RBM8A: variants seen among roughly 807,000 people sequenced by gnomAD.
RBM8A encodes RNA binding motif protein 8A, also known as RNA-binding protein 8A.
Under a neutral mutation model 25.1 loss-of-function variants are expected in RBM8A, and 8 were observed. The ratio of observed to expected loss-of-function variants is 0.32; its 90% confidence interval spans 0.19 to 0.58. The LOEUF (loss-of-function observed/expected upper bound fraction) is 0.58. Ranked by LOEUF, RBM8A falls within the 20% of genes least tolerant of loss-of-function variation. RBM8A has a pLI of 0.88. For missense variants in RBM8A, 114 were observed against 236.8 expected (o/e 0.48, Z 3.40); for synonymous variants, 66 against 80.0 (o/e 0.82, Z 0.94).
At position 145,923,240 on chromosome 1, in the gene RBM8A, T is replaced by C. The variant is rs1553755221; in HGVS notation, c.*2642A>G. ...CACCGCGCCCAGCCAGCTTTGACTA[T>C]TTTTATACTCCTCACAATTCTCAAG... On this transcript the variant is annotated 3_prime_UTR_variant, in exon 6 of 6. Transcript: ENST00000583313. The C allele has an allele frequency of 6.6e-6, 1 of 152,006 alleles. No individual in the cohort carries two copies. Among genetic ancestry groups the C allele is most frequent in the East Asian group, 1.9e-4 (1 of 5,182 alleles). The allele number at this position is 152,006 out of a possible 1,614,324, so 9.4% of individuals were successfully genotyped here.
chr1:145,927,206 T>A, intron 1 of RBM8A, 129 bp from the exon 2 acceptor site: 1 of 1,454,088 alleles, frequency 6.9e-7, no homozygotes, highest in African/African-American at 1.4e-5. Context: ...GGTCACGCCC[T>A]CCCTTCTCCT....
rs782816959 is a variant in RBM8A, at chr1:145,926,635, G to A, written c.206-17C>T. 5 of 1,613,704 alleles carry A rather than the reference G, an allele frequency of 3.1e-6. No individual in the cohort carries two copies. The African/African-American group carries it at 6.7e-5, about 22-fold the overall frequency. ...CTTCAACAGCTGTTGGGGGACGGGG[G>A]GAAGTTGTATGAGTACATGAGAGAC... On this transcript the variant is annotated splice_polypyrimidine_tract_variant and intron_variant, in intron 3 of 5. Transcript: ENST00000583313.
Position 145,923,004 on chromosome 1 carries a change from C to T in RBM8A, c.*2878G>A, listed in dbSNP as rs1647881149. ...TGGCGCAATCTCTGCTCACTGCAAG[C>T]TCCGCCTCCTGGGTTCAGGTCATTC... On this transcript the variant is annotated 3_prime_UTR_variant, in exon 6 of 6. Coordinates refer to ENST00000583313, the MANE Select transcript of RBM8A (RefSeq NM_005105.5). 1 of 151,784 alleles carries T rather than the reference C, an allele frequency of 6.6e-6. No individual in the cohort carries two copies. The highest frequency in any genetic ancestry group is 1.5e-5 in the Non-Finnish European group (1 of 68,012). 9.4% of individuals were successfully genotyped at this position (151,784 alleles called of 1,614,324 possible).
chr1:145,927,089 G>A lies in RBM8A; in HGVS notation c.68-12C>T, dbSNP rs1553756106. 5 of 1,611,284 alleles carry A rather than the reference G, an allele frequency of 3.1e-6. No homozygotes were observed. The highest frequency in any genetic ancestry group is 1.3e-5 in the African/African-American group (1 of 74,818). ...TTTGTGAATGCTCTCTGGAACCCCA[G>A]AAGATAAAAGAATAAGTAACTATGA... is the stretch of plus-strand genomic sequence containing the variant. On this transcript the variant is annotated splice_polypyrimidine_tract_variant and intron_variant, in intron 1 of 5. Coordinates refer to ENST00000583313, the MANE Select transcript of RBM8A (RefSeq NM_005105.5).
At position 145,924,263 on chromosome 1, in the gene RBM8A, A is replaced by G. The variant is rs1423173500; in HGVS notation, c.*1619T>C. ...GCAAGAGACCACCTATAACCTCTTC[A>G]CCTTCTGCTGCCTCTTTCTGCTGCC... On this transcript the variant is annotated 3_prime_UTR_variant, in exon 6 of 6. Transcript: ENST00000583313. The G allele has an allele frequency of 1.2e-5, 7 of 595,290 alleles. No homozygotes were observed. The highest frequency in any genetic ancestry group is 1.8e-5 in the African/African-American group (1 of 54,548). 36.9% of individuals were successfully genotyped at this position (595,290 alleles called of 1,614,324 possible).
chr1:145,926,731 C>T, intron 3 of RBM8A, 78 bp downstream of exon 3: 1 of 1,613,798 alleles, frequency 6.2e-7, no homozygotes. Context: ...GAACCCATTC[C>T]TACTGCGTTT....
At chr1:145,927,305 A>G in intron 1 of RBM8A, 55 bp downstream of exon 1, 2 of 1,572,418 alleles carry the variant, frequency 1.3e-6, no homozygotes, top group Non-Finnish European at 1.7e-6. Context: ...TTTTCCTATT[A>G]TAGCCTTCTC....
rs1459899179 is a variant in RBM8A at position 145,925,969 on chromosome 1, A to G, written c.480-42T>C. On this transcript the variant is annotated intron_variant, in intron 5 of 5. Coordinates refer to ENST00000583313, the MANE Select transcript of RBM8A (RefSeq NM_005105.5). ...AGGGAGAGGAGTCCATTAGAGGGACATAATACTAAGTCCTCATTCTGTTTC... is the reference window on the plus strand; with the variant it reads ...AGGGAGAGGAGTCCATTAGAGGGACGTAATACTAAGTCCTCATTCTGTTTC... 5 of 1,613,904 alleles carry G rather than the reference A, an allele frequency of 3.1e-6. No homozygotes were observed. The African/African-American group carries it at 4.0e-5, about 13-fold the overall frequency.
At chr1:145,927,337 C>A (rs781946644) in intron 1 of RBM8A, 23 bp downstream of exon 1, 9 of 1,608,532 alleles carry the variant, frequency 5.6e-6, no homozygotes, top group Non-Finnish European at 6.8e-6. Context: ...CCGCTTCCCA[C>A]CAGCCGTCTC....
chr1:145,926,904 G>C lies in RBM8A; in HGVS notation c.128-18C>G. On this transcript the variant is annotated intron_variant, in intron 2 of 5. Coordinates refer to ENST00000583313, the MANE Select transcript of RBM8A (RefSeq NM_005105.5). ...CCCCTCTTCTATAAGGGACATACACGAGATCACCGAAAACTCCTCCTTTCT... is the reference window on the plus strand; with the variant it reads ...CCCCTCTTCTATAAGGGACATACACCAGATCACCGAAAACTCCTCCTTTCT... 1 of 1,613,836 alleles carries C rather than the reference G, an allele frequency of 6.2e-7. No individual in the cohort carries two copies. Among genetic ancestry groups the C allele is most frequent in the Non-Finnish European group, 8.5e-7 (1 of 1,179,990 alleles).
In RBM8A at chr1:145,927,065, T is replaced by C. The variant is rs147545095; in HGVS notation, c.80A>G (p.Lys27Arg). The C allele has an allele frequency of 2.5e-6, 4 of 1,613,894 alleles. No homozygotes were observed. The highest frequency in any genetic ancestry group is 3.4e-6 in the Non-Finnish European group (4 of 1,179,904). Residue 27 changes from lysine (K) to arginine (R), a missense_variant, in exon 2 of 6, where the codon AAA becomes AGA. This residue lies in a region of RBM8A where 12 missense variants were observed against 54.1 expected (regional missense o/e 0.22). Coordinates refer to ENST00000583313, the MANE Select transcript of RBM8A (RefSeq NM_005105.5). ...CCGTTTCTTCGCTTTTTCTTTCAGT[T>C]TGTGAATGCTCTCTGGAACCCCAGA... ...MDEDGDESIH[K>R]LKEKAKKRKG...
At position 145,926,189 on chromosome 1, in the gene RBM8A, GAA is replaced by G. The variant is rs1559231366; in HGVS notation, c.343-14_343-13del. 2.5e-6 allele frequency: 4 copies of G among 1,611,680 alleles called. No homozygotes were observed. The South Asian group carries it at 4.4e-5, about 18-fold the overall frequency. On this transcript the variant is annotated splice_polypyrimidine_tract_variant and intron_variant, in intron 4 of 5. Coordinates refer to ENST00000583313, the MANE Select transcript of RBM8A (RefSeq NM_005105.5). ...ACTAGAGTATACCCCTGGGGAAAGTGAAAAGACAGATATGAAAACCCTCCTAT... is the reference window on the plus strand; with the variant it reads ...ACTAGAGTATACCCCTGGGGAAAGTGAAGACAGATATGAAAACCCTCCTAT...
chr1:145,923,091 G>T lies in RBM8A; in HGVS notation c.*2791C>A, dbSNP rs187603182. ...ACTACAGGCACCTACCACCACGCCC[G>T]GCTAGTTTTTTGTATCTTTAGTACA... is the stretch of plus-strand genomic sequence containing the variant. On this transcript the variant is annotated 3_prime_UTR_variant, in exon 6 of 6. Coordinates refer to ENST00000583313, the MANE Select transcript of RBM8A (RefSeq NM_005105.5). The T allele has an allele frequency of 6.6e-6, 1 of 151,916 alleles. No individual in the cohort carries two copies. The highest frequency in any genetic ancestry group is 2.4e-5 in the African/African-American group (1 of 41,330). The allele number at this position is 151,916 out of a possible 1,614,324, so 9.4% of individuals were successfully genotyped here. A position where few individuals can be genotyped will look rare whatever the true frequency, so the allele number is the denominator to read the frequency against.
At chr1:145,927,317 C>G (rs1553756154) in intron 1 of RBM8A, 43 bp downstream of exon 1, 1 of 1,594,642 alleles carries the variant, frequency 6.3e-7, no homozygotes. Context: ...AGCCTTCTCT[C>G]GCACCTTCCC....
intron 4 of RBM8A, 38 bp from the exon 5 acceptor site, chr1:145,926,215 A>G (rs199526147): frequency 3.1e-5 from 50 of 1,606,858 alleles, no homozygotes; most frequent in Non-Finnish European, 4.2e-5. Flanking sequence ...AAACCCTCCT[A>G]TTTCCCCAAG....
chr1:145,925,996 T>C (rs1570947353), intron 5 of RBM8A, 45 bp downstream of exon 5: 10 of 1,614,206 alleles, frequency 6.2e-6, no homozygotes, highest in Non-Finnish European at 8.5e-6. Flanking sequence ...TTCTGTTTCG[T>C]TCGTATTCCC....
rs1648198235 is a variant in RBM8A at position 145,927,015 on chromosome 1, C to T, written c.127+3G>A. The T allele has an allele frequency of 2.5e-6, 4 of 1,614,050 alleles. No individual in the cohort carries two copies. Among genetic ancestry groups the T allele is most frequent in the African/African-American group, 2.7e-5 (2 of 74,916 alleles). ...CACTCTACCCCATTTTCCCCACACT[C>T]ACCGGAGCCAAAGCCGCGACCCTTC... On this transcript the variant is annotated splice_donor_region_variant and intron_variant, in intron 2 of 5. Coordinates refer to ENST00000583313, the MANE Select transcript of RBM8A (RefSeq NM_005105.5).
rs1480798920 is a variant in RBM8A at position 145,923,177 on chromosome 1, C to T, written c.*2705G>A. ...ATCTCCTAACCTCGTGATCCGCCCG[C>T]CTCAGCCTCCCAAAGTGCTGGGATT... On this transcript the variant is annotated 3_prime_UTR_variant, in exon 6 of 6. Transcript: ENST00000583313. The T allele has an allele frequency of 6.6e-6, 1 of 152,324 alleles. No homozygotes were observed. The highest frequency in any genetic ancestry group is 1.5e-5 in the Non-Finnish European group (1 of 68,178). 9.4% of individuals were successfully genotyped at this position (152,324 alleles called of 1,614,324 possible).
rs12079762 is a variant in RBM8A, at chr1:145,925,876, G to C, written c.*6C>G. On this transcript the variant is annotated 3_prime_UTR_variant, in exon 6 of 6. Coordinates refer to ENST00000583313, the MANE Select transcript of RBM8A (RefSeq NM_005105.5). ...TGAAGAGAACACCTGGACAACAGAG[G>C]ACCTGTCAGCGACGTCTCCGGTCTG... 9.4e-3 allele frequency: 15,133 copies of C among 1,612,672 alleles called. 856 individuals carry two copies. In the African/African-American group the frequency reaches 0.14, roughly 15 times the overall value.
Sources: gnomAD v4.1 joint callset for allele counts on GRCh38, gnomAD v4.1.1 for gene constraint, gnomAD v4.1.1 regional missense constraint, MANE v1.5 for transcripts, NCBI Gene and HGNC (gene_info 2026-07-23, HGNC 2026-07-21) for gene names.